The following CTBP2 variants were observed in gnomAD, a reference collection of about 807,000 sequenced individuals.
CTBP2 encodes C-terminal-binding protein 2.
CTBP2 carries 30 observed loss-of-function variants against 80.3 expected under a neutral mutation model. That is an observed-to-expected ratio of 0.37 (90% CI 0.28 to 0.51). The LOEUF is 0.51. CTBP2 is among the 20% of genes least tolerant of loss of function. CTBP2 has a pLI of 0.93. For missense variants in CTBP2, 1,212 were observed against 1,375.3 expected (o/e 0.88, Z 1.88); for synonymous variants, 594 against 587.4 (o/e 1.01, Z -0.16).
chr10:125,084,772 C>T (rs1847729784), intron 2 of CTBP2, among the ~76,000 whole-genome samples: 1 of 151,824 alleles, frequency 6.6e-6, no homozygotes, highest in South Asian at 2.1e-4. Flanking sequence ...CCCCCGCCTT[C>T]CTGACCCACC....
Position 124,994,004 on chromosome 10 carries a change from G to A in CTBP2, c.2401-19C>T, listed in dbSNP as rs1953095773. 1.9e-6 allele frequency: 3 copies of A among 1,613,544 alleles called. No homozygotes were observed. In the East Asian group the frequency reaches 6.7e-5, roughly 36 times the overall value. ...GCCTCATCTGTGGAAGGAAAGAAAA[G>A]CCGGTTACAGGCACACTGGCATGGT... is the stretch of plus-strand genomic sequence containing the variant. On this transcript the variant is annotated intron_variant, in intron 5 of 8. Transcript: ENST00000309035.
intron 2 of CTBP2, among the ~76,000 whole-genome samples, chr10:125,045,481 C>A (rs1330755283): frequency 6.6e-6 from 1 of 152,182 alleles, no homozygotes; most frequent in Non-Finnish European, 1.5e-5. Flanking sequence ...TCTCCAAGGG[C>A]CCCCATACCA....
intron 2 of CTBP2, among the ~76,000 whole-genome samples, chr10:125,058,474 T>C (rs1438958652): frequency 1.3e-5 from 2 of 152,136 alleles, no homozygotes; most frequent in Non-Finnish European, 2.9e-5. Flanking sequence ...CATGGGCGTG[T>C]GTCGCAACTA....
chr10:125,005,997 T>C (rs1050732479), intron 1 of CTBP2: 7 of 1,436,476 alleles, frequency 4.9e-6, no homozygotes, highest in Non-Finnish European at 5.4e-6. Flanking sequence ...CTGGGGAGCC[T>C]GAGAGGCCAT....
chr10:125,113,812 G>A (rs1852707257), intron 1 of CTBP2, among the ~76,000 whole-genome samples: 2 of 152,174 alleles, frequency 1.3e-5, no homozygotes, highest in Non-Finnish European at 2.9e-5. Context: ...CTTCACAGAG[G>A]AGGTGACATT....
intron 2 of CTBP2, among the ~76,000 whole-genome samples, chr10:125,092,809 C>G (rs372266172): frequency 6.6e-6 from 1 of 151,798 alleles, no homozygotes; most frequent in East Asian, 1.9e-4. Context: ...TTAGGAGCAA[C>G]GACTTCTACA....
At chr10:125,072,443 C>T (rs1007471395) in intron 2 of CTBP2, among the ~76,000 whole-genome samples, 1 of 152,014 alleles carries the variant, frequency 6.6e-6, no homozygotes, top group Non-Finnish European at 1.5e-5. Flanking sequence ...GGTGAAACCT[C>T]ATCTCTACTA....
chr10:125,010,219 TAAAAAAA>T (rs59517853), intron 1 of CTBP2, among the ~76,000 whole-genome samples: 9 of 105,996 alleles, frequency 8.5e-5, no homozygotes, highest in Admixed American at 2.1e-4. Flanking sequence ...ATTTTAAGGT[TAAAAAAA>T]AAAAAAAAAA....
chr10:125,142,631 A>G (rs1405490100), intron 1 of CTBP2, among the ~76,000 whole-genome samples: 1 of 152,232 alleles, frequency 6.6e-6, no homozygotes, highest in African/African-American at 2.4e-5. Flanking sequence ...ATTTCTACAT[A>G]GGATTTTGAA....
Position 125,108,405 on chromosome 10 carries a change from C to T in CTBP2, c.-102+2585G>A, listed in dbSNP as rs141060522. On this transcript the variant is annotated intron_variant, in intron 2 of 10. Transcript: ENST00000337195. ...TTCACCATTACCTCTGATGGTGTCACGTGATTTTCATCTACCTCCTTCTTC... is the reference window on the plus strand; with the variant it reads ...TTCACCATTACCTCTGATGGTGTCATGTGATTTTCATCTACCTCCTTCTTC... Among the ~76,000 whole-genome samples the T allele has an allele frequency of 1.6e-4, 25 of 152,310 alleles. 1 individual carries two copies. The highest frequency in any genetic ancestry group is 4.1e-4 in the African/African-American group (17 of 41,566).
At chr10:125,089,771 G>C (rs1848502594) in intron 2 of CTBP2, among the ~76,000 whole-genome samples, 1 of 152,176 alleles carries the variant, frequency 6.6e-6, no homozygotes, top group Admixed American at 6.5e-5. Flanking sequence ...CTTAATAAAT[G>C]TCTGCTCCAT....
At position 124,986,920 on chromosome 10, in the gene CTBP2, A is replaced by T. The variant is rs1008506506; in HGVS notation, c.*2598T>A. 15 of 152,274 alleles carry T rather than the reference A, an allele frequency of 9.9e-5. No homozygotes were observed. Among genetic ancestry groups the T allele is most frequent in the African/African-American group, 2.9e-4 (12 of 41,400 alleles). The allele number at this position is 152,274 out of a possible 1,614,324, so 9.4% of individuals were successfully genotyped here. A position where few individuals can be genotyped will look rare whatever the true frequency, so the allele number is the denominator to read the frequency against. On this transcript the variant is annotated 3_prime_UTR_variant, in exon 9 of 9. Transcript: ENST00000309035. Reference sequence around the variant, plus strand: ...AGTACACGCTCAGCACTTAGCTTCTACTGTGTGTTGTGGTCTGGTGAGTGT... The same window carrying T: ...AGTACACGCTCAGCACTTAGCTTCTTCTGTGTGTTGTGGTCTGGTGAGTGT...
intron 2 of CTBP2, among the ~76,000 whole-genome samples, chr10:125,095,462 A>G (rs1849402663): frequency 6.6e-6 from 1 of 152,096 alleles, no homozygotes; most frequent in African/African-American, 2.4e-5. Context: ...GCCTCATCTC[A>G]CCACAGAAAA....
intron 1 of CTBP2, among the ~76,000 whole-genome samples, chr10:125,019,831 T>TA (rs1162626161): frequency 6.6e-6 from 1 of 152,176 alleles, no homozygotes; most frequent in Non-Finnish European, 1.5e-5. Context: ...TCAAGGACAC[T>TA]ATCAAGAAAT....
chr10:125,091,274 G>A lies in CTBP2; in HGVS notation c.-102+19716C>T, dbSNP rs114003729. On this transcript the variant is annotated intron_variant, in intron 2 of 10. Coordinates refer to the CTBP2 transcript ENST00000337195. Reference sequence around the variant, plus strand: ...ATGCAGGAGTAACAGGACTCCTTTCGGTAAGCCAACACAGACACCCTCCGT... The same window carrying A: ...ATGCAGGAGTAACAGGACTCCTTTCAGTAAGCCAACACAGACACCCTCCGT... Among the ~76,000 whole-genome samples the A allele has an allele frequency of 3.0e-3, 464 of 152,254 alleles. 6 individuals carry two copies. Among genetic ancestry groups the A allele is most frequent in the African/African-American group, 0.011 (443 of 41,542 alleles).
intron 1 of CTBP2, among the ~76,000 whole-genome samples, chr10:125,157,495 C>G (rs887477221): frequency 1.3e-5 from 2 of 152,052 alleles, no homozygotes; most frequent in South Asian, 4.1e-4. Flanking sequence ...TCAAAACAAG[C>G]TCCAAACCCA....
At position 125,026,854 on chromosome 10, in the gene CTBP2, C is replaced by A. The variant is rs1263781335; in HGVS notation, c.906G>T (p.Leu302=). 2.7e-5 allele frequency: 43 copies of A among 1,613,626 alleles called. No individual in the cohort carries two copies. Among genetic ancestry groups the A allele is most frequent in the Non-Finnish European group, 3.6e-5 (42 of 1,180,024 alleles). Reference sequence around the variant, plus strand: ...GTAGGGCTCCCAGCGTGGCCTCTGCCAGCCCCTCCGCCCGCAGAAAGGCCA... The same window carrying A: ...GTAGGGCTCCCAGCGTGGCCTCTGCAAGCCCCTCCGCCCGCAGAAAGGCCA... The change falls in exon 1 of 9, where the codon CTG becomes CTT. Residue 302 remains leucine, a synonymous_variant. Transcript: ENST00000309035.
At chr10:125,020,492 T>C (rs752156821) in intron 1 of CTBP2, among the ~76,000 whole-genome samples, 1 of 152,134 alleles carries the variant, frequency 6.6e-6, no homozygotes, top group African/African-American at 2.4e-5. Context: ...ACGCGGGCCT[T>C]GTGGAGACAG....
intron 2 of CTBP2, among the ~76,000 whole-genome samples, chr10:125,087,358 C>T (rs1848145023): frequency 6.6e-6 from 1 of 152,092 alleles, no homozygotes; most frequent in Admixed American, 6.5e-5. Flanking sequence ...AAGCATGAGC[C>T]ACCGCGCCCA....
Sources: gnomAD v4.1 joint callset for allele counts (sites outside exome capture counted in the v4.1 genomes callset) on GRCh38, gnomAD v4.1.1 for gene constraint, MANE v1.5 for transcripts, NCBI Gene and HGNC (gene_info 2026-07-23, HGNC 2026-07-21) for gene names.